Variants in SMURF2 observed in about 807,000 individuals in gnomAD.
SMURF2 encodes the protein SMAD specific E3 ubiquitin protein ligase 2.
SMURF2 carries 48 observed loss-of-function variants against 109.6 expected under a neutral mutation model. That is an observed-to-expected ratio of 0.44 (90% CI 0.35 to 0.56). The LOEUF (loss-of-function observed/expected upper bound fraction) is 0.56, where lower values mean the gene tolerates loss of function less well. Ranked by LOEUF, SMURF2 falls within the 20% of genes least tolerant of loss-of-function variation. The pLI is 0.01. For missense variants in SMURF2, 575 were observed against 909.0 expected (o/e 0.63, Z 4.72); for synonymous variants, 288 against 317.1 (o/e 0.91, Z 0.97).
chr17:64,638,042 G>GTT (rs61684126), intron 1 of SMURF2, among the ~76,000 whole-genome samples: 6,519 of 123,754 alleles, frequency 0.053, 269 homozygotes, highest in Admixed American at 0.14. Context: ...TTTCCCATGA[G>GTT]TTTTTTTTTT....
intron 1 of SMURF2, among the ~76,000 whole-genome samples, chr17:64,613,767 G>A (rs1398995917): frequency 7.1e-6 from 1 of 141,646 alleles, no homozygotes; most frequent in East Asian, 2.2e-4. Context: ...AGGGGAGCAG[G>A]CAAGGGGGTT....
At chr17:64,661,752 C>T (rs190121808) in intron 1 of SMURF2, 77 bp downstream of exon 1, 22,366 of 1,086,310 alleles carry the variant, frequency 0.021, 277 homozygotes, top group Non-Finnish European at 0.024. Context: ...GACCCTGGCC[C>T]TTCCCAAGGC....
At chr17:64,563,020 A>G in intron 10 of SMURF2, 54 bp from the exon 11 acceptor site, 1 of 1,436,760 alleles carries the variant, frequency 7.0e-7, no homozygotes, top group Non-Finnish European at 9.4e-7. Flanking sequence ...TAAAAATTGC[A>G]ATTATAGATT....
chr17:64,580,951 A>G lies in SMURF2; in HGVS notation c.610T>C (p.Cys204Arg), dbSNP rs781969584. 1 of 1,614,166 alleles carries G rather than the reference A, an allele frequency of 6.2e-7. No individual in the cohort carries two copies. The highest frequency in any genetic ancestry group is 1.6e-4 in the Middle Eastern group (1 of 6,062). Residue 204 changes from cysteine to arginine, a missense_variant, in exon 8 of 19, where the codon TGC becomes CGC. Cys to Arg is a radical substitution (Grantham distance 180). Coordinates refer to ENST00000262435, the MANE Select transcript of SMURF2 (RefSeq NM_022739.4). ...ATTGGAGTGTTCTCATCAACAAAGC[A>G]GCTAAGAGGTCTGCCAGGGCTAGAA... ...EYSSPGRPLS[C>R]FVDENTPISG...
chr17:64,552,185 A>C (rs139863848), intron 15 of SMURF2, among the ~76,000 whole-genome samples: 2,840 of 152,338 alleles, frequency 0.019, 53 homozygotes, highest in Admixed American at 0.028. Flanking sequence ...AAAAATGAGA[A>C]GAATAAATAG....
In SMURF2 at chr17:64,545,033, A is replaced by G. The variant is rs1465619098; in HGVS notation, c.*815T>C. The G allele has an allele frequency of 6.6e-6, 1 of 152,252 alleles. No individual in the cohort carries two copies. The highest frequency in any genetic ancestry group is 6.5e-5 in the Admixed American group (1 of 15,274). 9.4% of individuals were successfully genotyped at this position (152,252 alleles called of 1,614,324 possible). On this transcript the variant is annotated 3_prime_UTR_variant, in exon 19 of 19. Transcript: ENST00000262435. ...TTAAGATTAAAAGTAAATCCAAAAT[A>G]CCTAATCATATTGACTCAAGATAAA...
At chr17:64,651,997 T>C (rs190459917) in intron 1 of SMURF2, among the ~76,000 whole-genome samples, 13 of 152,322 alleles carry the variant, frequency 8.5e-5, no homozygotes, top group African/African-American at 3.1e-4. Flanking sequence ...TTCTTTTCTA[T>C]GGTCACATTT....
At chr17:64,554,326 TA>T (rs1969088317) in intron 15 of SMURF2, among the ~76,000 whole-genome samples, 1 of 152,234 alleles carries the variant, frequency 6.6e-6, no homozygotes. Flanking sequence ...GCTTAGGCCT[TA>T]AAAAGATCTA....
intron 1 of SMURF2, among the ~76,000 whole-genome samples, chr17:64,648,125 A>C (rs1568210058): frequency 6.6e-6 from 1 of 150,584 alleles, no homozygotes; most frequent in Non-Finnish European, 1.5e-5. Context: ...TGAGACAATA[A>C]ATGAGAATAT....
At chr17:64,608,746 A>G (rs1970005305) in intron 1 of SMURF2, among the ~76,000 whole-genome samples, 1 of 151,888 alleles carries the variant, frequency 6.6e-6, no homozygotes, top group Non-Finnish European at 1.5e-5. Flanking sequence ...CCTTCCTTCC[A>G]CTGACAATGT....
At chr17:64,658,277 A>G (rs1427676473) in intron 1 of SMURF2, among the ~76,000 whole-genome samples, 2 of 152,182 alleles carry the variant, frequency 1.3e-5, no homozygotes, top group African/African-American at 4.8e-5. Flanking sequence ...GAATCACTTG[A>G]ACCCGGGAGG....
chr17:64,627,495 T>C (rs1224094507), intron 1 of SMURF2, among the ~76,000 whole-genome samples: 1 of 152,192 alleles, frequency 6.6e-6, no homozygotes, highest in Non-Finnish European at 1.5e-5. Context: ...AGAAACAGAT[T>C]AAAACCCAGT....
intron 2 of SMURF2, among the ~76,000 whole-genome samples, chr17:64,599,608 C>A (rs561588032): frequency 7.8e-4 from 119 of 152,300 alleles, no homozygotes; most frequent in Non-Finnish European, 1.4e-3. Context: ...GTCAGATCAG[C>A]GGCAGCATTA....
chr17:64,597,272 G>C (rs1202476359), intron 3 of SMURF2, among the ~76,000 whole-genome samples: 5 of 152,050 alleles, frequency 3.3e-5, no homozygotes, highest in African/African-American at 4.8e-5. Flanking sequence ...AATTAGCTGG[G>C]CATGGTGGCA....
chr17:64,588,013 C>T (rs1397989964), intron 5 of SMURF2, among the ~76,000 whole-genome samples: 3 of 142,938 alleles, frequency 2.1e-5, no homozygotes, highest in Non-Finnish European at 1.5e-5. Context: ...ATTAAAAATG[C>T]TACAGATTTT....
intron 1 of SMURF2, among the ~76,000 whole-genome samples, chr17:64,616,369 T>C (rs1555690100): frequency 6.6e-6 from 1 of 151,912 alleles, no homozygotes; most frequent in East Asian, 1.9e-4. Context: ...GAGCTAGAGT[T>C]GGCTGGGCAC....
Position 64,662,181 on chromosome 17 carries a change from T to G in SMURF2, c.-301A>C. On this transcript the variant is annotated 5_prime_UTR_variant, in exon 1 of 19. Transcript: ENST00000262435. Reference sequence around the variant, plus strand: ...CGCCTCCTCGCGGCCGCCGAGGCCTTTCCCTCCTCTCGTCTCGGCGAGGCC... The same window carrying G: ...CGCCTCCTCGCGGCCGCCGAGGCCTGTCCCTCCTCTCGTCTCGGCGAGGCC... 2.9e-6 allele frequency: 3 copies of G among 1,030,802 alleles called. No individual in the cohort carries two copies. Among genetic ancestry groups the G allele is most frequent in the Non-Finnish European group, 2.3e-6 (2 of 860,632 alleles). The allele number at this position is 1,030,802 out of a possible 1,614,324, so 63.9% of individuals were successfully genotyped here.
chr17:64,589,765 A>C (rs1555687493), intron 5 of SMURF2, among the ~76,000 whole-genome samples: 1 of 152,046 alleles, frequency 6.6e-6, no homozygotes, highest in Non-Finnish European at 1.5e-5. Context: ...CTGATTCTAC[A>C]TGATGGTGAG....
intron 1 of SMURF2, among the ~76,000 whole-genome samples, chr17:64,655,699 C>T (rs1468096326): frequency 3.3e-5 from 5 of 151,718 alleles, no homozygotes; most frequent in Non-Finnish European, 7.4e-5. Context: ...CCAATCTGAC[C>T]AACATGGTGT....
Sources: allele counts gnomAD v4.1 joint callset (sites outside exome capture counted in the v4.1 genomes callset), GRCh38; gene constraint gnomAD v4.1.1; transcripts MANE v1.5; gene names NCBI Gene and HGNC (gene_info 2026-07-23, HGNC 2026-07-21).